The following TXNRD3 variants were observed in gnomAD, a reference collection of about 807,000 sequenced individuals.
The protein encoded by TXNRD3 is thioredoxin reductase 3.
A neutral mutation model predicts 78.2 loss-of-function variants in TXNRD3; 68 were observed. That is an observed-to-expected ratio of 0.87 (90% CI 0.72 to 1.06). TXNRD3 has a LOEUF of 1.06. Among genes scored for constraint, TXNRD3 ranks in the 50% least tolerant of loss-of-function variants. TXNRD3 has a pLI of 0.00. For missense variants in TXNRD3, 751 were observed against 809.5 expected (o/e 0.93, Z 0.88); for synonymous variants, 296 against 300.1 (o/e 0.99, Z 0.14).
intron 3 of TXNRD3, among the ~76,000 whole-genome samples, chr3:126,645,351 T>C (rs1933201155): frequency 1.3e-5 from 2 of 152,306 alleles, no homozygotes; most frequent in African/African-American, 2.4e-5. Flanking sequence ...CAAGTTAGGA[T>C]TGGCAAGACA....
At chr3:126,641,883 C>T in intron 6 of TXNRD3, 149 bp downstream of exon 6, 7 of 1,001,704 alleles carry the variant, frequency 7.0e-6, no homozygotes, top group Non-Finnish European at 9.6e-6. Context: ...CCTTTTGCAT[C>T]CTCTGTGCCT....
At chr3:126,608,440 A>G in intron 15 of TXNRD3, 59 bp downstream of exon 15, 1 of 1,458,754 alleles carries the variant, frequency 6.9e-7, no homozygotes. Context: ...CAAGTGCTTT[A>G]TAATAGTTTT....
intron 12 of TXNRD3, among the ~76,000 whole-genome samples, chr3:126,616,844 TA>T (rs1938330986): frequency 6.6e-6 from 1 of 152,202 alleles, no homozygotes; most frequent in Non-Finnish European, 1.5e-5. Flanking sequence ...TCCATCAGCC[TA>T]GATTCTTACA....
At chr3:126,638,843 C>T in intron 6 of TXNRD3, among the ~76,000 whole-genome samples, 1 of 152,212 alleles carries the variant, frequency 6.6e-6, no homozygotes, top group African/African-American at 2.4e-5. Context: ...AAATATTCAG[C>T]ACTTAGAACA....
Position 126,607,814 on chromosome 3 carries a change from G to T in TXNRD3, c.*91C>A. ...GCACTGGTCCCTGAGTAACAGAGCA[G>T]CTGTCATGAGCACAGGCTCATTTTA... On this transcript the variant is annotated 3_prime_UTR_variant, in exon 16 of 16. Transcript: ENST00000524230. The T allele has an allele frequency of 9.4e-7, 1 of 1,063,290 alleles. No individual in the cohort carries two copies. Among genetic ancestry groups the T allele is most frequent in the Non-Finnish European group, 1.3e-6 (1 of 754,880 alleles). The allele number at this position is 1,063,290 out of a possible 1,614,324, so 65.9% of individuals were successfully genotyped here.
intron 14 of TXNRD3, chr3:126,609,228 T>A (rs1398886158): frequency 2.5e-6 from 1 of 393,222 alleles, no homozygotes; most frequent in South Asian, 1.8e-5. Context: ...CATCAGATTA[T>A]CCTTCACTGT....
At chr3:126,608,462 C>T (rs780105055) in intron 15 of TXNRD3, 37 bp downstream of exon 15, 2 of 1,504,202 alleles carry the variant, frequency 1.3e-6, no homozygotes, top group South Asian at 2.6e-5. Context: ...CAAACTACAT[C>T]AACTGAAGCC....
At chr3:126,653,933 C>T (rs1373742851) in intron 1 of TXNRD3, among the ~76,000 whole-genome samples, 14 of 151,758 alleles carry the variant, frequency 9.2e-5, no homozygotes, top group Non-Finnish European at 1.9e-4. Context: ...CAGAAGAATA[C>T]CTATGTATGT....
In TXNRD3 at chr3:126,630,747, C is replaced by A; in HGVS notation, c.1162G>T (p.Gly388Cys). Residue 388 changes from glycine (G) to cysteine (C), a missense_variant, in exon 9 of 16, where the codon GGT becomes TGT. Gly to Cys is a radical substitution (Grantham distance 159). Transcript: ENST00000524230. ...ATGAATTTCCGTAGGAACTTCACACCATGCTGCTCCATGTAGGAACCCACT... is the reference window on the plus strand; with the variant it reads ...ATGAATTTCCGTAGGAACTTCACACAATGCTGCTCCATGTAGGAACCCACT... 1 of 1,534,268 alleles carries A rather than the reference C, an allele frequency of 6.5e-7. No individual in the cohort carries two copies. Among genetic ancestry groups the A allele is most frequent in the Non-Finnish European group, 8.7e-7 (1 of 1,146,854 alleles).
intron 6 of TXNRD3, among the ~76,000 whole-genome samples, chr3:126,640,987 C>T (rs1264029195): frequency 6.6e-6 from 1 of 152,232 alleles, no homozygotes; most frequent in African/African-American, 2.4e-5. Context: ...CAAACTTGCC[C>T]AAAGGCCATC....
intron 8 of TXNRD3, 48 bp downstream of exon 8, chr3:126,631,716 T>C (rs1312779853): frequency 8.7e-7 from 1 of 1,150,432 alleles, no homozygotes; most frequent in African/African-American, 1.5e-5. Flanking sequence ...CATGTCAATA[T>C]AATTCAATTT....
intron 12 of TXNRD3, among the ~76,000 whole-genome samples, chr3:126,616,300 A>G (rs1938318751): frequency 6.6e-6 from 1 of 152,160 alleles, no homozygotes; most frequent in African/African-American, 2.4e-5. Flanking sequence ...AGCCCCTTCA[A>G]AAGACACCAC....
rs533139016 is a variant in TXNRD3, at chr3:126,611,924, A to C, written c.1633-792T>G. Among the ~76,000 whole-genome samples, 7 of 152,332 alleles carry C rather than the reference A, an allele frequency of 4.6e-5. No homozygotes were observed. The South Asian group carries it at 1.5e-3, about 32-fold the overall frequency. On this transcript the variant is annotated intron_variant, in intron 13 of 15. Coordinates refer to ENST00000524230, the MANE Select transcript of TXNRD3 (RefSeq NM_052883.3). ...GCTGGTGCATGTAGAGTTAAAACAA[A>C]ATTTTTATTAAGGAGGTATCACAAT... is the stretch of plus-strand genomic sequence containing the variant.
chr3:126,634,037 C>G lies in TXNRD3; in HGVS notation c.727G>C (p.Glu243Gln). 1 of 1,503,336 alleles carries G rather than the reference C, an allele frequency of 6.7e-7. No homozygotes were observed. Among genetic ancestry groups the G allele is most frequent in the Non-Finnish European group, 8.8e-7 (1 of 1,131,630 alleles). 93.1% of individuals were successfully genotyped at this position (1,503,336 alleles called of 1,614,324 possible). ...TTCTGAATCGCTTTTGTCATTGTCT[C>G]CCAGTTGTGCCTCACTAAGAAGAAA... Residue 243 changes from glutamate (E) to glutamine (Q), a missense_variant, in exon 7 of 16, where the codon GAG (glutamate) becomes CAG (glutamine). Glu to Gln is a conservative substitution (Grantham distance 29, BLOSUM62 2). Transcript: ENST00000524230.
intron 6 of TXNRD3, among the ~76,000 whole-genome samples, chr3:126,637,932 C>CTCTTT (rs1444254294): frequency 3.8e-4 from 23 of 60,204 alleles, no homozygotes; most frequent in Non-Finnish European, 5.1e-4. Context: ...ATTTCTCTCT[C>CTCTTT]TTTTTTTTTT....
intron 6 of TXNRD3, among the ~76,000 whole-genome samples, chr3:126,635,384 C>A (rs578138705): frequency 6.6e-6 from 1 of 152,126 alleles, no homozygotes; most frequent in African/African-American, 2.4e-5. Flanking sequence ...AGAACCTGTA[C>A]AGTTAAAAAG....
intron 1 of TXNRD3, among the ~76,000 whole-genome samples, chr3:126,647,789 C>T (rs1255555900): frequency 6.6e-5 from 10 of 152,184 alleles, no homozygotes; most frequent in African/African-American, 2.2e-4. Flanking sequence ...GAGCCATGAT[C>T]ACACCACTTC....
intron 6 of TXNRD3, among the ~76,000 whole-genome samples, chr3:126,638,081 C>T (rs1323430429): frequency 2.6e-5 from 4 of 151,454 alleles, no homozygotes; most frequent in African/African-American, 2.4e-5. Flanking sequence ...GTAGCTGGGA[C>T]TACAGGCGCA....
intron 13 of TXNRD3, among the ~76,000 whole-genome samples, chr3:126,612,024 A>AT (rs1312178013): frequency 1.3e-5 from 2 of 151,962 alleles, no homozygotes. Flanking sequence ...TCTTCTACCC[A>AT]TTTTTTTGTT....
Sources: gnomAD v4.1 joint callset for allele counts (sites outside exome capture counted in the v4.1 genomes callset) on GRCh38, gnomAD v4.1.1 for gene constraint, MANE v1.5 for transcripts, NCBI Gene and HGNC (gene_info 2026-07-23, HGNC 2026-07-21) for gene names.